WDR19: variants seen among roughly 807,000 people sequenced by gnomAD.
The protein encoded by WDR19 is WD repeat-containing protein 19.
In WDR19, 121 loss-of-function variants were observed where a neutral mutation model predicts 180.0. That is an observed-to-expected ratio of 0.67 (90% CI 0.58 to 0.78). The LOEUF (loss-of-function observed/expected upper bound fraction) is 0.78. Among genes scored for constraint, WDR19 ranks in the 30% least tolerant of loss-of-function variants. The pLI, the probability that WDR19 is intolerant of heterozygous loss-of-function variation, is 0.00. For missense variants in WDR19, 1,450 were observed against 1,640.7 expected (o/e 0.88, Z 2.01); for synonymous variants, 497 against 540.7 (o/e 0.92, Z 1.12).
At chr4:39,221,078 G>C (rs1729657055) in intron 14 of WDR19, among the ~76,000 whole-genome samples, 1 of 151,660 alleles carries the variant, frequency 6.6e-6, no homozygotes, top group Non-Finnish European at 1.5e-5. Context: ...CCATCTGAGA[G>C]ACTTTTTAAA....
chr4:39,225,640 A>C (rs1730167988), intron 15 of WDR19, among the ~76,000 whole-genome samples: 1 of 152,166 alleles, frequency 6.6e-6, no homozygotes, highest in African/African-American at 2.4e-5. Flanking sequence ...TTTTGGTCAA[A>C]TTCACATAAG....
chr4:39,273,158 C>G, intron 32 of WDR19, 97 bp downstream of exon 32: 1 of 892,392 alleles, frequency 1.1e-6, no homozygotes, highest in Non-Finnish European at 1.7e-6. Context: ...TACACTAACT[C>G]GTTTAATTCT....
At chr4:39,208,870 G>A (rs1481397075) in intron 9 of WDR19, among the ~76,000 whole-genome samples, 2 of 152,090 alleles carry the variant, frequency 1.3e-5, no homozygotes, top group Admixed American at 6.6e-5. Context: ...TTATATAATG[G>A]ACTTGAGCAT....
chr4:39,217,275 A>C (rs1319601353), intron 13 of WDR19, 35 bp downstream of exon 13: 1 of 1,459,198 alleles, frequency 6.9e-7, no homozygotes, highest in East Asian at 2.4e-5. Flanking sequence ...AGACGCGCTA[A>C]GTTATAATGA....
At chr4:39,259,430 T>C (rs1378479571) in intron 28 of WDR19, among the ~76,000 whole-genome samples, 4 of 152,236 alleles carry the variant, frequency 2.6e-5, no homozygotes, top group Non-Finnish European at 5.9e-5. Context: ...CTATATGTAT[T>C]ATATATTATA....
intron 9 of WDR19, among the ~76,000 whole-genome samples, chr4:39,213,594 G>A (rs1246558466): frequency 4.6e-5 from 7 of 152,192 alleles, no homozygotes; most frequent in Non-Finnish European, 7.3e-5. Context: ...GAAGGAAGGA[G>A]GTGAGTGTTT....
At chr4:39,260,340 C>CT (rs71192837) in intron 28 of WDR19, among the ~76,000 whole-genome samples, 3 of 89,960 alleles carry the variant, frequency 3.3e-5, no homozygotes, top group Admixed American at 2.5e-4. Flanking sequence ...TTTTTTTTTT[C>CT]TTTTTTTTTT....
intron 21 of WDR19, among the ~76,000 whole-genome samples, chr4:39,241,457 G>A (rs1006667990): frequency 2.9e-5 from 4 of 138,452 alleles, no homozygotes; most frequent in African/African-American, 1.1e-4. Flanking sequence ...TTGCGCCATT[G>A]CACCCCAGCC....
At position 39,272,044 on chromosome 4, in the gene WDR19, C is replaced by T. The variant is rs1200539702; in HGVS notation, c.3484-936C>T. On this transcript the variant is annotated intron_variant, in intron 31 of 36. Transcript: ENST00000399820. ...GAAATGCATCTGGAGTTATAACTTGCAACCTCCAGGAGTACACTTCCCTTC... is the reference window on the plus strand; with the variant it reads ...GAAATGCATCTGGAGTTATAACTTGTAACCTCCAGGAGTACACTTCCCTTC... 3.9e-5 allele frequency among the ~76,000 whole-genome samples: 6 copies of T among 152,290 alleles called. No individual in the cohort carries two copies. In the East Asian group the frequency reaches 1.2e-3, roughly 29 times the overall value.
chr4:39,226,935 C>T (rs997798547), intron 15 of WDR19, among the ~76,000 whole-genome samples: 6 of 152,130 alleles, frequency 3.9e-5, no homozygotes, highest in African/African-American at 1.2e-4. Context: ...AGTGTAAAAG[C>T]GTTCCTCTTT....
intron 25 of WDR19, 115 bp from the exon 26 acceptor site, chr4:39,253,791 A>AG (rs907474852): frequency 2.2e-6 from 2 of 890,526 alleles, no homozygotes; most frequent in Non-Finnish European, 3.3e-6. Flanking sequence ...AAAAAAAAAA[A>AG]AGAACTGCAA....
At chr4:39,273,216 A>G (rs1487027688) in intron 32 of WDR19, 155 bp downstream of exon 32, 3 of 580,230 alleles carry the variant, frequency 5.2e-6, no homozygotes, top group Non-Finnish European at 8.9e-6. Flanking sequence ...GACCACTCCC[A>G]GGTTTGATGA....
At chr4:39,223,265 T>G (rs949264332) in intron 14 of WDR19, among the ~76,000 whole-genome samples, 1 of 152,226 alleles carries the variant, frequency 6.6e-6, no homozygotes, top group South Asian at 2.1e-4. Flanking sequence ...TTATAGTGTG[T>G]AAATTATATC....
chr4:39,188,034 A>G (rs1028741466), intron 3 of WDR19, among the ~76,000 whole-genome samples: 6 of 152,238 alleles, frequency 3.9e-5, no homozygotes, highest in African/African-American at 1.4e-4. Flanking sequence ...TGTCTTAAAT[A>G]TAAATCAAAG....
chr4:39,197,555 C>A (rs1405560285), intron 5 of WDR19, among the ~76,000 whole-genome samples: 1 of 151,928 alleles, frequency 6.6e-6, no homozygotes, highest in African/African-American at 2.4e-5. Context: ...ATACACTTAA[C>A]TATTCTTCTC....
intron 29 of WDR19, 93 bp downstream of exon 29, chr4:39,266,233 A>G (rs780624331): frequency 1.6e-6 from 2 of 1,212,606 alleles, no homozygotes; most frequent in Non-Finnish European, 2.2e-6. Flanking sequence ...CAACATAGAC[A>G]TGAAAAATTT....
chr4:39,199,398 C>A (rs1280975619), intron 5 of WDR19, 80 bp from the exon 6 acceptor site: 6 of 1,002,346 alleles, frequency 6.0e-6, no homozygotes, highest in Non-Finnish European at 9.0e-6. Flanking sequence ...TGTTTAATTT[C>A]TTGCTATATT....
At chr4:39,213,097 A>AT (rs1728714587) in intron 9 of WDR19, among the ~76,000 whole-genome samples, 1 of 152,246 alleles carries the variant, frequency 6.6e-6, no homozygotes, top group Non-Finnish European at 1.5e-5. Flanking sequence ...AATGTGGGTA[A>AT]GGATGAGGAG....
At chr4:39,280,584 G>A (rs1209558791) in intron 36 of WDR19, among the ~76,000 whole-genome samples, 1 of 152,070 alleles carries the variant, frequency 6.6e-6, no homozygotes, top group African/African-American at 2.4e-5. Flanking sequence ...GAGTCTGGGA[G>A]GCTGAGGCTG....
Sources: gnomAD v4.1 joint callset for allele counts (sites outside exome capture counted in the v4.1 genomes callset) on GRCh38, gnomAD v4.1.1 for gene constraint, MANE v1.5 for transcripts, NCBI Gene and HGNC (gene_info 2026-07-23, HGNC 2026-07-21) for gene names.